ROCK1: variants seen among roughly 807,000 people sequenced by gnomAD.
The protein encoded by ROCK1 is Rho associated coiled-coil containing protein kinase 1.
Under a neutral mutation model 196.8 loss-of-function variants are expected in ROCK1, and 36 were observed. The ratio of observed to expected loss-of-function variants is 0.18; its 90% confidence interval spans 0.14 to 0.24. The LOEUF (loss-of-function observed/expected upper bound fraction) is 0.24, where lower values mean the gene tolerates loss of function less well. ROCK1 is among the 10% of genes least tolerant of loss of function. ROCK1 has a pLI of 1.00. For missense variants in ROCK1, 920 were observed against 1,562.0 expected (o/e 0.59, Z 6.93); for synonymous variants, 443 against 515.9 (o/e 0.86, Z 1.91).
intron 1 of ROCK1, among the ~76,000 whole-genome samples, chr18:21,080,365 G>C (rs1324857258): frequency 6.6e-6 from 1 of 152,096 alleles, no homozygotes; most frequent in Admixed American, 6.6e-5. Flanking sequence ...TATGTTCAAA[G>C]AGTTGAAGGA....
rs1429457159 is a variant in ROCK1, at chr18:20,949,162, T to A, written c.*2222A>T. ...TTAGTATGTCATTTGGAAAGTCTTC[T>A]CTTGCTTAAACTAATTAGAATTAAC... On this transcript the variant is annotated 3_prime_UTR_variant, in exon 33 of 33. Transcript: ENST00000399799. 1 of 152,172 alleles carries A rather than the reference T, an allele frequency of 6.6e-6. No individual in the cohort carries two copies. The highest frequency in any genetic ancestry group is 2.4e-5 in the African/African-American group (1 of 41,424). The allele number at this position is 152,172 out of a possible 1,614,324, so 9.4% of individuals were successfully genotyped here.
At chr18:20,968,304 C>T (rs957808999) in intron 25 of ROCK1, among the ~76,000 whole-genome samples, 1 of 151,874 alleles carries the variant, frequency 6.6e-6, no homozygotes, top group Admixed American at 6.6e-5. Flanking sequence ...TAACTGAAAT[C>T]CTATTTCTTT....
rs140830668 is a variant in ROCK1 at position 21,046,309 on chromosome 18, G to A, written c.415-842C>T. Reference sequence around the variant, plus strand: ...TAAAACACTGTAAGGACTATACTTCGTTTAACTTTTATACCTGCTGCTTAG... The same window carrying A: ...TAAAACACTGTAAGGACTATACTTCATTTAACTTTTATACCTGCTGCTTAG... On this transcript the variant is annotated intron_variant, in intron 4 of 32. Transcript: ENST00000399799. 6.2e-3 allele frequency among the ~76,000 whole-genome samples: 946 copies of A among 152,240 alleles called. 7 individuals carry two copies. The highest frequency in any genetic ancestry group is 8.7e-3 in the Non-Finnish European group (595 of 68,016).
intron 2 of ROCK1, among the ~76,000 whole-genome samples, chr18:21,052,513 C>G (rs2036211939): frequency 6.6e-6 from 1 of 152,112 alleles, no homozygotes; most frequent in Non-Finnish European, 1.5e-5. Context: ...AATGCATGCA[C>G]TAGAACAGGG....
At chr18:21,057,532 T>C (rs1171224582) in intron 2 of ROCK1, among the ~76,000 whole-genome samples, 2 of 152,192 alleles carry the variant, frequency 1.3e-5, no homozygotes, top group African/African-American at 2.4e-5. Flanking sequence ...AATACTGTTT[T>C]AAAAATTGGC....
intron 18 of ROCK1, among the ~76,000 whole-genome samples, chr18:20,990,572 T>G (rs1378853024): frequency 6.6e-6 from 1 of 150,484 alleles, no homozygotes. Context: ...CGGGTGCCTG[T>G]AATCCCAGCT....
chr18:21,077,485 G>A (rs1341127043), intron 1 of ROCK1, among the ~76,000 whole-genome samples: 1 of 152,110 alleles, frequency 6.6e-6, no homozygotes, highest in African/African-American at 2.4e-5. Context: ...TGCTCATAAA[G>A]GCTACAAGGA....
chr18:21,105,559 T>C (rs2036696134), intron 1 of ROCK1, among the ~76,000 whole-genome samples: 1 of 152,124 alleles, frequency 6.6e-6, no homozygotes, highest in Admixed American at 6.5e-5. Context: ...TAATCCAGAT[T>C]CGAAAATGCT....
At chr18:21,028,437 A>G (rs2035979657) in intron 10 of ROCK1, among the ~76,000 whole-genome samples, 1 of 152,012 alleles carries the variant, frequency 6.6e-6, no homozygotes, top group Non-Finnish European at 1.5e-5. Flanking sequence ...AAACAAAACA[A>G]AACAAAAAAA....
At chr18:20,977,302 G>A (rs9955908) in intron 22 of ROCK1, among the ~76,000 whole-genome samples, 1,543 of 152,286 alleles carry the variant, frequency 0.01, 19 homozygotes, top group African/African-American at 0.036. Flanking sequence ...AAACTCTTCA[G>A]CATGATACAC....
chr18:20,999,654 G>T (rs1397286060), intron 16 of ROCK1, among the ~76,000 whole-genome samples: 6 of 152,116 alleles, frequency 3.9e-5, no homozygotes, highest in Non-Finnish European at 5.9e-5. Flanking sequence ...CATTTTAAAA[G>T]ATCTAAATAA....
At chr18:21,048,760 G>C (rs1480541069) in intron 4 of ROCK1, among the ~76,000 whole-genome samples, 2 of 151,932 alleles carry the variant, frequency 1.3e-5, no homozygotes, top group Admixed American at 1.3e-4. Flanking sequence ...ATGTTGTCCA[G>C]GCTGGTCTCA....
chr18:20,965,218 C>T (rs2035361300), intron 27 of ROCK1, among the ~76,000 whole-genome samples: 1 of 151,860 alleles, frequency 6.6e-6, no homozygotes, highest in South Asian at 2.1e-4. Flanking sequence ...GGTGAAATCC[C>T]GTCTCTACAA....
Position 21,039,572 on chromosome 18 carries a change from T to A in ROCK1, c.960-9A>T. ...GCCCTAACCTCACTTCCCTGAATAA[T>A]GACAGAAGGAGAAAAGTAATCAATC... On this transcript the variant is annotated splice_polypyrimidine_tract_variant and intron_variant, in intron 8 of 32. Transcript: ENST00000399799. 1 of 1,583,206 alleles carries A rather than the reference T, an allele frequency of 6.3e-7. No individual in the cohort carries two copies. The highest frequency in any genetic ancestry group is 8.7e-7 in the Non-Finnish European group (1 of 1,152,348).
intron 1 of ROCK1, among the ~76,000 whole-genome samples, chr18:21,073,090 A>C (rs1381312430): frequency 7.0e-5 from 10 of 143,570 alleles, no homozygotes; most frequent in Non-Finnish European, 1.3e-4. Flanking sequence ...AAAAAAAAAA[A>C]AAAAAAAAAC....
chr18:21,097,000 A>G (rs1004813698), intron 1 of ROCK1, among the ~76,000 whole-genome samples: 2 of 152,182 alleles, frequency 1.3e-5, no homozygotes, highest in Admixed American at 1.3e-4. Flanking sequence ...AGATGAGAAA[A>G]TTGTGTGAGG....
chr18:21,037,123 T>C (rs2036064547), intron 9 of ROCK1, among the ~76,000 whole-genome samples: 1 of 152,172 alleles, frequency 6.6e-6, no homozygotes, highest in African/African-American at 2.4e-5. Flanking sequence ...GGTCTTTTCA[T>C]TTCTTTTGTC....
intron 1 of ROCK1, among the ~76,000 whole-genome samples, chr18:21,085,771 C>T (rs2036521381): frequency 6.6e-6 from 1 of 152,206 alleles, no homozygotes; most frequent in Non-Finnish European, 1.5e-5. Context: ...TAACCCATCA[C>T]CACCTCAATG....
At chr18:20,958,791 A>T (rs1378248164) in intron 29 of ROCK1, among the ~76,000 whole-genome samples, 1 of 146,978 alleles carries the variant, frequency 6.8e-6, no homozygotes, top group East Asian at 1.9e-4. Flanking sequence ...GACATAATAC[A>T]GTATAAATGC....
Sources: allele counts gnomAD v4.1 joint callset (sites outside exome capture counted in the v4.1 genomes callset), GRCh38; gene constraint gnomAD v4.1.1; transcripts MANE v1.5; gene names NCBI Gene and HGNC (gene_info 2026-07-23, HGNC 2026-07-21).